IL1RAPL2: variants seen among roughly 807,000 people sequenced by gnomAD.
The protein encoded by IL1RAPL2 is interleukin 1 receptor accessory protein like 2.
A neutral mutation model predicts 44.1 loss-of-function variants in IL1RAPL2; 3 were observed. The observed-to-expected ratio is 0.07, with a 90% CI of 0.03 to 0.18. The LOEUF (loss-of-function observed/expected upper bound fraction) is 0.18, where lower values mean the gene tolerates loss of function less well. IL1RAPL2 is among the 10% of genes least tolerant of loss of function. IL1RAPL2 has a pLI of 1.00. For missense variants in IL1RAPL2, 391 were observed against 496.4 expected (o/e 0.79, Z 2.02); for synonymous variants, 181 against 178.8 (o/e 1.01, Z -0.10).
intron 5 of IL1RAPL2, among the ~76,000 whole-genome samples, chrX:105,425,269 G>T (rs1394486070): frequency 1.8e-5 from 2 of 110,904 alleles, no homozygotes; most frequent in Admixed American, 1.9e-4. Flanking sequence ...GGTGCCAAAT[G>T]TCATCTTCTA....
intron 6 of IL1RAPL2, among the ~76,000 whole-genome samples, chrX:105,694,899 G>A (rs746465670): frequency 6.6e-4 from 74 of 111,497 alleles, no homozygotes; most frequent in Non-Finnish European, 1.2e-3. Flanking sequence ...TTGGGAGGCT[G>A]TGATTTGTAA....
intron 4 of IL1RAPL2, among the ~76,000 whole-genome samples, chrX:105,261,974 CT>C (rs1428421521): frequency 3.6e-5 from 4 of 111,729 alleles, no homozygotes; most frequent in Admixed American, 2.9e-4. Flanking sequence ...CTAGAGCTGG[CT>C]TTTTTTCTTC....
chrX:105,379,911 ATTCT>A (rs1277746015), intron 5 of IL1RAPL2, among the ~76,000 whole-genome samples: 1 of 111,750 alleles, frequency 8.9e-6, no homozygotes, highest in Non-Finnish European at 1.9e-5. Context: ...AGAATCCAGT[ATTCT>A]TTCTATTACA....
At chrX:105,138,879 T>C (rs982864531) in intron 2 of IL1RAPL2, among the ~76,000 whole-genome samples, 1 of 111,355 alleles carries the variant, frequency 9.0e-6, no homozygotes, top group Non-Finnish European at 1.9e-5. Flanking sequence ...GTGGCCTATA[T>C]GGTGGAAGCC....
At chrX:105,677,819 T>G (rs1447140008) in intron 6 of IL1RAPL2, among the ~76,000 whole-genome samples, 2 of 111,784 alleles carry the variant, frequency 1.8e-5, no homozygotes, top group African/African-American at 6.5e-5. Flanking sequence ...CTAGTATGTA[T>G]CCTCTAAAAA....
chrX:105,466,849 C>T (rs1233806633), intron 5 of IL1RAPL2, among the ~76,000 whole-genome samples: 2 of 111,446 alleles, frequency 1.8e-5, no homozygotes, highest in Non-Finnish European at 3.8e-5. Context: ...GTCTAGAGGC[C>T]ACATCTGGCG....
chrX:104,698,712 G>A (rs1326525151), intron 2 of IL1RAPL2, among the ~76,000 whole-genome samples: 1 of 111,818 alleles, frequency 8.9e-6, no homozygotes, highest in African/African-American at 3.3e-5. Context: ...AAGATTTCTG[G>A]TAGGCCTTTT....
chrX:105,001,573 C>T (rs2044908116), intron 2 of IL1RAPL2, among the ~76,000 whole-genome samples: 1 of 111,433 alleles, frequency 9.0e-6, no homozygotes. Flanking sequence ...TTAAATAAAC[C>T]ATTCTAACCA....
chrX:105,728,189 T>G (rs909049514), intron 7 of IL1RAPL2, among the ~76,000 whole-genome samples: 3 of 111,438 alleles, frequency 2.7e-5, no homozygotes, highest in Non-Finnish European at 5.7e-5. Flanking sequence ...TATTTATCTC[T>G]CCCTCTCCCA....
At chrX:105,492,991 T>TGCCTA (rs772317605) in intron 6 of IL1RAPL2, among the ~76,000 whole-genome samples, 1 of 111,531 alleles carries the variant, frequency 9.0e-6, no homozygotes, top group East Asian at 2.8e-4. Flanking sequence ...ACTATAGATT[T>TGCCTA]GCCTATTCTG....
intron 2 of IL1RAPL2, among the ~76,000 whole-genome samples, chrX:105,184,577 G>A (rs187863672): frequency 0.02 from 2,185 of 108,843 alleles, 51 homozygotes; most frequent in African/African-American, 0.069. Flanking sequence ...TAAAATATTG[G>A]AATATAAGTT....
At position 105,283,597 on chromosome X, in the gene IL1RAPL2, T is replaced by A. The variant is rs1336698070; in HGVS notation, c.697+16056T>A. 4.5e-5 allele frequency among the ~76,000 whole-genome samples: 5 copies of A among 111,269 alleles called. 1 individual carries two copies. The East Asian group carries it at 1.4e-3, about 32-fold the overall frequency. ...GTTTTACTAATAGGGTAGACAGTAG[T>A]GCTATTTCCTGAAATGAGGAAGACT... is the stretch of plus-strand genomic sequence containing the variant. On this transcript the variant is annotated intron_variant, in intron 5 of 10. Transcript: ENST00000372582.
chrX:104,882,806 G>T (rs907290634), intron 2 of IL1RAPL2, among the ~76,000 whole-genome samples: 2 of 111,725 alleles, frequency 1.8e-5, no homozygotes, highest in Non-Finnish European at 3.8e-5. Flanking sequence ...CTTTGGGTCC[G>T]CACTACCTTT....
intron 6 of IL1RAPL2, among the ~76,000 whole-genome samples, chrX:105,681,608 A>C (rs924007352): frequency 1.8e-5 from 2 of 111,401 alleles, no homozygotes; most frequent in Non-Finnish European, 3.8e-5. Flanking sequence ...AAATACAAAA[A>C]TTAGTTGGGT....
intron 5 of IL1RAPL2, among the ~76,000 whole-genome samples, chrX:105,411,506 C>A (rs756013461): frequency 9.0e-6 from 1 of 110,751 alleles, no homozygotes; most frequent in Non-Finnish European, 1.9e-5. Context: ...CAAAAGTAAG[C>A]CGGAATAGCC....
chrX:105,338,995 C>T (rs1212589341), intron 5 of IL1RAPL2, among the ~76,000 whole-genome samples: 1 of 111,195 alleles, frequency 9.0e-6, no homozygotes, highest in African/African-American at 3.3e-5. Flanking sequence ...CCCAGCTACT[C>T]GGGAGGCTGA....
In IL1RAPL2 at chrX:105,767,741, C is replaced by T. The variant is rs746504124; in HGVS notation, c.*80C>T. On this transcript the variant is annotated 3_prime_UTR_variant, in exon 11 of 11. Transcript: ENST00000372582. ...ACCAAGCATAAAGTACACCTAATAA[C>T]GTTGTGTTAAAAAAGTGTTTGAAGA... 7 of 708,385 alleles carry T rather than the reference C, an allele frequency of 9.9e-6. No homozygotes were observed. Among genetic ancestry groups the T allele is most frequent in the African/African-American group, 6.5e-5 (3 of 46,177 alleles). The allele number at this position is 708,385 out of a possible 1,213,427, so 58.4% of individuals were successfully genotyped here.
intron 7 of IL1RAPL2, among the ~76,000 whole-genome samples, chrX:105,734,372 A>G (rs1191305964): frequency 9.1e-6 from 1 of 110,111 alleles, no homozygotes; most frequent in East Asian, 2.9e-4. Flanking sequence ...GGTCATGATA[A>G]AGTGGTTTCC....
intron 6 of IL1RAPL2, among the ~76,000 whole-genome samples, chrX:105,667,404 A>G (rs1308817376): frequency 8.9e-6 from 1 of 112,366 alleles, no homozygotes; most frequent in Non-Finnish European, 1.9e-5. Flanking sequence ...ACTGATTCCC[A>G]ATTGTGAACA....
Sources: allele counts gnomAD v4.1 joint callset (sites outside exome capture counted in the v4.1 genomes callset), GRCh38; gene constraint gnomAD v4.1.1; transcripts MANE v1.5; gene names NCBI Gene and HGNC (gene_info 2026-07-23, HGNC 2026-07-21).